The following RBP2 variants were observed in gnomAD, a reference collection of about 807,000 sequenced individuals.
RBP2 encodes the protein retinol-binding protein 2.
Under a neutral mutation model 17.0 loss-of-function variants are expected in RBP2, and 17 were observed. That is an observed-to-expected ratio of 1.00 (90% CI 0.68 to 1.50). The LOEUF (loss-of-function observed/expected upper bound fraction) is 1.50, where lower values mean the gene tolerates loss of function less well. Among genes scored for constraint, RBP2 ranks in the 40% most tolerant of loss-of-function variants. RBP2 has a pLI of 0.00. For missense variants in RBP2, 158 were observed against 168.2 expected, an observed-to-expected ratio of 0.94 and a Z score of 0.33; for synonymous variants, 48 against 57.1, an observed-to-expected ratio of 0.84 and a Z score of 0.72.
intron 1 of RBP2, among the ~76,000 whole-genome samples, chr3:139,469,368 C>T (rs1933472441): frequency 6.6e-6 from 1 of 152,130 alleles, no homozygotes. Flanking sequence ...AGGGTGCCTC[C>T]CTGCTCCCTA....
At chr3:139,469,121 T>C (rs1269337148) in intron 1 of RBP2, among the ~76,000 whole-genome samples, 3 of 152,218 alleles carry the variant, frequency 2.0e-5, no homozygotes, top group South Asian at 4.1e-4. Flanking sequence ...ATTCATCATA[T>C]GAAATCTGAG....
rs554884502 is a variant in RBP2, at chr3:139,470,207, C to T, written c.73+6180G>A. 7.2e-5 allele frequency among the ~76,000 whole-genome samples: 11 copies of T among 152,316 alleles called. 1 individual carries two copies. Among genetic ancestry groups the T allele is most frequent in the South Asian group, 6.2e-4 (3 of 4,824 alleles). On this transcript the variant is annotated intron_variant, in intron 1 of 3. Coordinates refer to ENST00000232217, the MANE Select transcript of RBP2 (RefSeq NM_004164.3). ...CCTCCCCACCAAAACTCACTCCTCC[C>T]GGTGACTTCCCCATTTCAGGCAATG...
chr3:139,470,013 A>G lies in RBP2; in HGVS notation c.73+6374T>C, dbSNP rs557342220. On this transcript the variant is annotated intron_variant, in intron 1 of 3. Coordinates refer to ENST00000232217, the MANE Select transcript of RBP2 (RefSeq NM_004164.3). ...TCCACTTCTCTGGATTCCTCACCCC[A>G]TAAAACGGAAGGCATTTCTTCTGAA... Among the ~76,000 whole-genome samples, 34 of 152,316 alleles carry G rather than the reference A, an allele frequency of 2.2e-4. No homozygotes were observed. The Middle Eastern group carries it at 0.017, about 76-fold the overall frequency.
In RBP2 at chr3:139,453,054, C is replaced by T; in HGVS notation, c.*62G>A. On this transcript the variant is annotated 3_prime_UTR_variant, in exon 4 of 4. Coordinates refer to ENST00000232217, the MANE Select transcript of RBP2 (RefSeq NM_004164.3). ...AGGTCCCCACAGCTGTTTCTCAAAG[C>T]CAGTAGACCACTCAGTGTGGGCAGT... 1.3e-6 allele frequency: 2 copies of T among 1,595,230 alleles called. No homozygotes were observed. The highest frequency in any genetic ancestry group is 2.2e-5 in the East Asian group (1 of 44,764).
chr3:139,464,573 A>G (rs1933298687), intron 1 of RBP2, among the ~76,000 whole-genome samples: 1 of 152,178 alleles, frequency 6.6e-6, no homozygotes, highest in South Asian at 2.1e-4. Flanking sequence ...CAGCTGCATG[A>G]GAAAGGGCCC....
chr3:139,471,592 C>A (rs1016388297), intron 1 of RBP2, among the ~76,000 whole-genome samples: 1 of 152,182 alleles, frequency 6.6e-6, no homozygotes, highest in Non-Finnish European at 1.5e-5. Context: ...CAAATAGTTA[C>A]AATTTATGGA....
chr3:139,463,920 T>A (rs1208611776), intron 1 of RBP2, among the ~76,000 whole-genome samples: 2 of 152,176 alleles, frequency 1.3e-5, no homozygotes. Flanking sequence ...CAGTTCAAAT[T>A]TATCGAGTGC....
chr3:139,462,385 T>A, intron 1 of RBP2, 95 bp from the exon 2 acceptor site: 1 of 1,284,914 alleles, frequency 7.8e-7, no homozygotes, highest in Non-Finnish European at 1.1e-6. Flanking sequence ...GAGACACAGA[T>A]TGTGTGTAGG....
chr3:139,464,168 C>G (rs1933284240), intron 1 of RBP2, among the ~76,000 whole-genome samples: 1 of 152,104 alleles, frequency 6.6e-6, no homozygotes, highest in African/African-American at 2.4e-5. Context: ...CTTCAAAAAT[C>G]CTTCTTTGGG....
chr3:139,456,475 G>A (rs550693007), intron 2 of RBP2, among the ~76,000 whole-genome samples: 3 of 152,324 alleles, frequency 2.0e-5, no homozygotes, highest in African/African-American at 7.2e-5. Flanking sequence ...TTCTGTCAGT[G>A]GGTGGCTAGT....
At chr3:139,459,392 C>CTA (rs374208404) in intron 2 of RBP2, among the ~76,000 whole-genome samples, 77 of 116,918 alleles carry the variant, frequency 6.6e-4, no homozygotes, top group African/African-American at 1.7e-3. Context: ...CCTGTTTCTA[C>CTA]TATATATATG....
intron 1 of RBP2, among the ~76,000 whole-genome samples, chr3:139,464,580 G>T (rs1332083114): frequency 6.6e-6 from 1 of 152,166 alleles, no homozygotes; most frequent in Non-Finnish European, 1.5e-5. Context: ...ATGAGAAAGG[G>T]CCCTGGGTAC....
Position 139,476,467 on chromosome 3 carries a change from G to T in RBP2, c.-8C>A. On this transcript the variant is annotated 5_prime_UTR_variant, in exon 1 of 4. Transcript: ENST00000232217. Reference sequence around the variant, plus strand: ...ATTCTGGTCCCTTGTCATGGTGGTGGCCACTGGTTCGGTGAGGGTTTGTGG... The same window carrying T: ...ATTCTGGTCCCTTGTCATGGTGGTGTCCACTGGTTCGGTGAGGGTTTGTGG... 5.6e-6 allele frequency: 9 copies of T among 1,613,764 alleles called. No individual in the cohort carries two copies. The highest frequency in any genetic ancestry group is 7.6e-6 in the Non-Finnish European group (9 of 1,179,784).
At chr3:139,463,447 A>G (rs546993408) in intron 1 of RBP2, among the ~76,000 whole-genome samples, 68 of 152,328 alleles carry the variant, frequency 4.5e-4, no homozygotes, top group Middle Eastern at 3.4e-3. Flanking sequence ...CGGCCTCCCA[A>G]AATGCTGGGA....
intron 2 of RBP2, among the ~76,000 whole-genome samples, chr3:139,457,615 C>T (rs147454061): frequency 6.6e-6 from 1 of 152,186 alleles, no homozygotes; most frequent in Non-Finnish European, 1.5e-5. Context: ...AAATAAGAAG[C>T]AGAAAGAAGA....
At chr3:139,465,799 T>A (rs1037879031) in intron 1 of RBP2, among the ~76,000 whole-genome samples, 2 of 152,200 alleles carry the variant, frequency 1.3e-5, no homozygotes, top group Non-Finnish European at 2.9e-5. Flanking sequence ...AAGTGAGAGC[T>A]GAAGCAATCA....
chr3:139,476,262 C>T (rs1933735696), intron 1 of RBP2, 125 bp downstream of exon 1: 2 of 695,888 alleles, frequency 2.9e-6, no homozygotes, highest in Non-Finnish European at 2.5e-6. Context: ...TAATATTGCA[C>T]AGCTGTACAT....
chr3:139,453,307 C>A (rs1469815893), intron 3 of RBP2, 141 bp from the exon 4 acceptor site: 4 of 834,886 alleles, frequency 4.8e-6, no homozygotes, highest in Non-Finnish European at 8.0e-6. Context: ...TCTCACAGAC[C>A]CAATCAGCGG....
intron 2 of RBP2, among the ~76,000 whole-genome samples, chr3:139,461,505 G>A (rs1933188950): frequency 6.6e-6 from 1 of 151,652 alleles, no homozygotes; most frequent in South Asian, 2.1e-4. Flanking sequence ...AGTTATTAGG[G>A]CTGGATAAAT....
Sources: allele counts gnomAD v4.1 joint callset (sites outside exome capture counted in the v4.1 genomes callset), GRCh38; gene constraint gnomAD v4.1.1; transcripts MANE v1.5; gene names NCBI Gene and HGNC (gene_info 2026-07-23, HGNC 2026-07-21).